Variants in DLC1 observed in about 807,000 individuals in gnomAD.
The protein encoded by DLC1 is DLC1 Rho GTPase activating protein.
DLC1 carries 54 observed loss-of-function variants against 140.3 expected under a neutral mutation model. That is an observed-to-expected ratio of 0.38 (90% confidence interval 0.31 to 0.48). The LOEUF (loss-of-function observed/expected upper bound fraction) is 0.48. Among genes scored for constraint, DLC1 ranks in the 20% least tolerant of loss-of-function variants. The probability of loss-of-function intolerance (pLI) is 0.96; values close to 1 mark genes in which losing one functional copy is unlikely to be tolerated. For synonymous variants in DLC1, 986 were observed against 728.1 expected (o/e 1.35, Z -5.70); for missense variants, 2,536 against 1,907.0 (o/e 1.33, Z -6.14).
chr8:13,446,570 G>A (rs537412206), intron 2 of DLC1, among the ~76,000 whole-genome samples: 1 of 152,038 alleles, frequency 6.6e-6, no homozygotes, highest in African/African-American at 2.4e-5. Context: ...AGAAGGAAAG[G>A]AAGGAAAAAA....
At chr8:13,244,403 T>A (rs1829672543) in intron 5 of DLC1, among the ~76,000 whole-genome samples, 1 of 151,848 alleles carries the variant, frequency 6.6e-6, no homozygotes, top group East Asian at 1.9e-4. Flanking sequence ...ACTCAAGTGA[T>A]CCTCTCTTCT....
chr8:13,095,164 G>T lies in DLC1; in HGVS notation c.3249C>A (p.Asn1083Lys). 6.2e-7 allele frequency: 1 copy of T among 1,614,240 alleles called. No homozygotes were observed. The highest frequency in any genetic ancestry group is 8.5e-7 in the Non-Finnish European group (1 of 1,180,048). Residue 1083 changes from asparagine to lysine, a missense_variant, in exon 11 of 18, where the codon AAC becomes AAA. Coordinates refer to ENST00000276297, the MANE Select transcript of DLC1 (RefSeq NM_182643.3). ...RSVFGVPLTVNVQRTGQPLPQ... is the reference protein window; with the variant it reads ...RSVFGVPLTVKVQRTGQPLPQ... Reference sequence around the variant, plus strand: ...GCAACGGTTGTCCTGTGCGCTGCACGTTGACCGTCAGTGGGACCCCAAACA... The same window carrying T: ...GCAACGGTTGTCCTGTGCGCTGCACTTTGACCGTCAGTGGGACCCCAAACA...
intron 4 of DLC1, among the ~76,000 whole-genome samples, chr8:13,356,973 A>G (rs1400449360): frequency 3.9e-5 from 6 of 152,136 alleles, no homozygotes. Flanking sequence ...GAGAAGCCTT[A>G]GGAAAGTCCT....
intron 5 of DLC1, among the ~76,000 whole-genome samples, chr8:13,282,855 C>A (rs560217868): frequency 3.9e-5 from 6 of 151,980 alleles, no homozygotes; most frequent in African/African-American, 7.2e-5. Context: ...AAATACTAAC[C>A]CCTTGCTGTT....
At chr8:13,551,870 A>G (rs950289864) in intron 1 of DLC1, among the ~76,000 whole-genome samples, 7 of 134,012 alleles carry the variant, frequency 5.2e-5, no homozygotes, top group African/African-American at 1.9e-4. Context: ...GTGTGTGTAT[A>G]TATATATATA....
At chr8:13,318,833 T>C (rs534039355) in intron 4 of DLC1, among the ~76,000 whole-genome samples, 1 of 152,330 alleles carries the variant, frequency 6.6e-6, no homozygotes, top group Non-Finnish European at 1.5e-5. Context: ...CTGAATACCT[T>C]TGCTAGCTAA....
intron 5 of DLC1, among the ~76,000 whole-genome samples, chr8:13,155,884 T>C (rs912675725): frequency 6.6e-6 from 1 of 152,216 alleles, no homozygotes; most frequent in Non-Finnish European, 1.5e-5. Flanking sequence ...TAACTAGTTT[T>C]TATTTTATAA....
At chr8:13,245,757 G>A (rs1280059383) in intron 5 of DLC1, among the ~76,000 whole-genome samples, 2 of 152,126 alleles carry the variant, frequency 1.3e-5, no homozygotes, top group Non-Finnish European at 2.9e-5. Flanking sequence ...CTGGAGTGCA[G>A]TGGCATGATC....
At chr8:13,170,479 C>T (rs926604502) in intron 5 of DLC1, among the ~76,000 whole-genome samples, 7 of 152,072 alleles carry the variant, frequency 4.6e-5, no homozygotes, top group Non-Finnish European at 1.0e-4. Flanking sequence ...GCCTGTAATC[C>T]CAGCACTTTG....
At chr8:13,110,614 A>G (rs1398610866) in intron 7 of DLC1, 128 bp downstream of exon 7, 8 of 822,292 alleles carry the variant, frequency 9.7e-6, no homozygotes, top group Middle Eastern at 2.4e-4. Context: ...GTCTATGATC[A>G]CTCTATGGTT....
chr8:13,356,012 C>A (rs1406214929), intron 4 of DLC1, among the ~76,000 whole-genome samples: 1 of 141,270 alleles, frequency 7.1e-6, no homozygotes, highest in Non-Finnish European at 1.5e-5. Context: ...ATGGCATGAA[C>A]TCAGGAGGCG....
chr8:13,424,138 C>T (rs1447607721), intron 2 of DLC1, among the ~76,000 whole-genome samples: 1 of 152,126 alleles, frequency 6.6e-6, no homozygotes, highest in Non-Finnish European at 1.5e-5. Context: ...TCCTCACAAA[C>T]TTTGGAAATT....
chr8:13,332,262 T>C (rs1436198867), intron 4 of DLC1, among the ~76,000 whole-genome samples: 1 of 152,196 alleles, frequency 6.6e-6, no homozygotes, highest in Non-Finnish European at 1.5e-5. Context: ...GCAATCTTTT[T>C]ATAAAGATTG....
chr8:13,160,705 C>A lies in DLC1; in HGVS notation c.1349-45048G>T, dbSNP rs138181706. On this transcript the variant is annotated intron_variant, in intron 5 of 17. Transcript: ENST00000276297. Reference sequence around the variant, plus strand: ...TAAAAGAGAGGGCTTTGATTAGGGACGGCAGGGAGCAGGTAATGATTGATA... The same window carrying A: ...TAAAAGAGAGGGCTTTGATTAGGGAAGGCAGGGAGCAGGTAATGATTGATA... Among the ~76,000 whole-genome samples the A allele has an allele frequency of 4.5e-3, 690 of 152,252 alleles. 2 individuals are homozygous for A. Among genetic ancestry groups the A allele is most frequent in the African/African-American group, 0.015 (644 of 41,554 alleles).
chr8:13,542,165 T>G (rs1803505279), intron 1 of DLC1, among the ~76,000 whole-genome samples: 1 of 152,234 alleles, frequency 6.6e-6, no homozygotes, highest in Non-Finnish European at 1.5e-5. Flanking sequence ...ATTTTTTGTT[T>G]GTTTCCTTTC....
At chr8:13,495,049 A>G (rs1340090700) in intron 2 of DLC1, among the ~76,000 whole-genome samples, 1 of 152,160 alleles carries the variant, frequency 6.6e-6, no homozygotes, top group Non-Finnish European at 1.5e-5. Flanking sequence ...TGGAATGTAG[A>G]ATTAGGTGTC....
At chr8:13,141,844 G>T (rs1350118931) in intron 5 of DLC1, among the ~76,000 whole-genome samples, 1 of 152,170 alleles carries the variant, frequency 6.6e-6, no homozygotes, top group South Asian at 2.1e-4. Context: ...GGACTTTGGG[G>T]GAACTGCAAG....
intron 2 of DLC1, among the ~76,000 whole-genome samples, chr8:13,425,982 T>A (rs1364921321): frequency 6.6e-6 from 1 of 152,104 alleles, no homozygotes. Flanking sequence ...CTGGCTAGTC[T>A]TTTTATTTTT....
chr8:13,224,868 A>C (rs1828717737), intron 5 of DLC1, among the ~76,000 whole-genome samples: 1 of 152,210 alleles, frequency 6.6e-6, no homozygotes, highest in Non-Finnish European at 1.5e-5. Context: ...GCACCACGTT[A>C]GTTAACCACC....
Sources: allele counts gnomAD v4.1 joint callset (sites outside exome capture counted in the v4.1 genomes callset), GRCh38; gene constraint gnomAD v4.1.1; transcripts MANE v1.5; gene names NCBI Gene and HGNC (gene_info 2026-07-23, HGNC 2026-07-21).